The following TBX20 variants were observed in gnomAD, a reference collection of about 807,000 sequenced individuals.
TBX20 encodes T-box transcription factor 20.
TBX20 carries 8 observed loss-of-function variants against 42.9 expected under a neutral mutation model. That is an observed-to-expected ratio of 0.19 (90% confidence interval 0.11 to 0.34). The LOEUF is 0.34. Among genes scored for constraint, TBX20 ranks in the 10% least tolerant of loss-of-function variants. The pLI, the probability that TBX20 is intolerant of heterozygous loss-of-function variation, is 1.00. For missense variants in TBX20, 411 were observed against 566.0 expected (o/e 0.73, Z 2.78); for synonymous variants, 198 against 222.8 (o/e 0.89, Z 0.99).
chr7:35,209,945 A>G (rs1789464590), intron 6 of TBX20, among the ~76,000 whole-genome samples: 1 of 152,024 alleles, frequency 6.6e-6, no homozygotes, highest in Non-Finnish European at 1.5e-5. Context: ...TGACTTTCAA[A>G]TATTTGGGGA....
chr7:35,211,513 T>C (rs1230422436), intron 6 of TBX20, among the ~76,000 whole-genome samples: 1 of 152,180 alleles, frequency 6.6e-6, no homozygotes, highest in Non-Finnish European at 1.5e-5. Context: ...TAATTCTAGT[T>C]AACAGACTTG....
At chr7:35,204,438 C>T in intron 7 of TBX20, 32 bp downstream of exon 7, 1 of 1,492,056 alleles carries the variant, frequency 6.7e-7, no homozygotes, top group East Asian at 2.3e-5. Context: ...CTCTGCCTCC[C>T]AGCAATTCCA....
intron 3 of TBX20, among the ~76,000 whole-genome samples, chr7:35,245,455 C>T (rs889360699): frequency 1.3e-5 from 2 of 151,726 alleles, no homozygotes; most frequent in Non-Finnish European, 2.9e-5. Context: ...GCATGAGTTC[C>T]TATTATAAAC....
chr7:35,248,888 T>C, intron 2 of TBX20, 47 bp from the exon 3 acceptor site: 1 of 1,611,474 alleles, frequency 6.2e-7, no homozygotes. Context: ...TGCTGCCTAA[T>C]AAACTGACCT....
intron 3 of TBX20, among the ~76,000 whole-genome samples, chr7:35,246,305 C>T (rs1285016015): frequency 6.6e-6 from 1 of 152,176 alleles, no homozygotes; most frequent in Admixed American, 6.5e-5. Context: ...AGGAGGATTG[C>T]TCACAGTTGC....
intron 4 of TBX20, among the ~76,000 whole-genome samples, chr7:35,243,736 A>T (rs1790126280): frequency 6.6e-6 from 1 of 152,224 alleles, no homozygotes; most frequent in Non-Finnish European, 1.5e-5. Context: ...AACCTTAAAG[A>T]TAAAGATCAA....
At chr7:35,248,862 G>GAA (rs1562567776) in intron 2 of TBX20, 21 bp from the exon 3 acceptor site, 2 of 1,611,438 alleles carry the variant, frequency 1.2e-6, no homozygotes, top group East Asian at 2.2e-5. Context: ...GAGAGAGAGA[G>GAA]AATGGGCCCT....
intron 6 of TBX20, among the ~76,000 whole-genome samples, chr7:35,215,462 T>C (rs1292327380): frequency 6.6e-6 from 1 of 152,190 alleles, no homozygotes; most frequent in African/African-American, 2.4e-5. Context: ...TCTAAAATAC[T>C]GTACCCTGAA....
At chr7:35,253,377 CGATGTATG>C in intron 1 of TBX20, 109 bp downstream of exon 1, 2 of 1,225,036 alleles carry the variant, frequency 1.6e-6, no homozygotes, top group Non-Finnish European at 2.3e-6. Context: ...CTCCCACCCG[CGATGTATG>C]GCTCATGGCT....
intron 5 of TBX20, among the ~76,000 whole-genome samples, chr7:35,237,823 C>T (rs1415610139): frequency 6.6e-6 from 1 of 151,744 alleles, no homozygotes; most frequent in East Asian, 1.9e-4. Context: ...TGATCATCAT[C>T]GTGTTACACT....
chr7:35,249,986 C>T lies in TBX20; in HGVS notation c.345G>A (p.Glu115=), dbSNP rs1790272622. Residue 115 remains glutamate, a synonymous_variant, in exon 2 of 8, where the codon GAG becomes GAA. Coordinates refer to ENST00000408931, the MANE Select transcript of TBX20 (RefSeq NM_001077653.2). This position sits in a 1 kb window ranked among gnomAD's most constrained non-coding sequence, Gnocchi z 4.3. The stretch of plus-strand genomic sequence containing the variant: ...TGGTGATGATCATCTCGGTGCCCAG[C>T]TCATGGAATTTGTCCCAAAGCTCCT... ...ETKELWDKFH[E]LGTEMIITKS... The T allele has an allele frequency of 6.2e-7, 1 of 1,611,532 alleles. No homozygotes were observed. Among genetic ancestry groups the T allele is most frequent in the South Asian group, 1.1e-5 (1 of 90,740 alleles).
intron 6 of TBX20, among the ~76,000 whole-genome samples, chr7:35,230,869 T>G (rs2053845102): frequency 6.6e-6 from 1 of 152,212 alleles, no homozygotes; most frequent in Non-Finnish European, 1.5e-5. Flanking sequence ...ACATTCATAC[T>G]GGGCAAAATA....
intron 6 of TBX20, among the ~76,000 whole-genome samples, chr7:35,227,920 TC>T (rs1789803241): frequency 6.6e-6 from 1 of 152,174 alleles, no homozygotes; most frequent in East Asian, 1.9e-4. Flanking sequence ...GTACTTAATG[TC>T]ACTGAATTGT....
intron 5 of TBX20, among the ~76,000 whole-genome samples, chr7:35,237,070 T>A (rs1789980661): frequency 6.6e-6 from 1 of 152,068 alleles, no homozygotes; most frequent in Admixed American, 6.6e-5. Context: ...TCTATCATGA[T>A]GCCACCAAAA....
intron 3 of TBX20, among the ~76,000 whole-genome samples, chr7:35,246,815 T>C (rs928189943): frequency 6.6e-6 from 1 of 152,052 alleles, no homozygotes; most frequent in Non-Finnish European, 1.5e-5. Flanking sequence ...TTAATAATAA[T>C]AAAGAATAGT....
intron 5 of TBX20, among the ~76,000 whole-genome samples, chr7:35,237,992 G>T (rs921951814): frequency 6.6e-6 from 1 of 152,192 alleles, no homozygotes; most frequent in Non-Finnish European, 1.5e-5. Context: ...ACAGCTTAGG[G>T]GTTAAGGGCA....
rs1214886460 is a variant in TBX20 at position 35,229,947 on chromosome 7, C to T, written c.890+1557G>A. 8.5e-5 allele frequency among the ~76,000 whole-genome samples: 13 copies of T among 152,256 alleles called. No individual in the cohort carries two copies. The East Asian group carries it at 2.5e-3, about 29-fold the overall frequency. On this transcript the variant is annotated intron_variant, in intron 6 of 7. Coordinates refer to ENST00000408931, the MANE Select transcript of TBX20 (RefSeq NM_001077653.2). ...AAGTCTGGTGACTTCTCCAGGATCA[C>T]TCACCCAGGAAAAGGCAGAGGTGAG...
Position 35,250,221 on chromosome 7 carries a change from T to C in TBX20, c.128-18A>G, listed in dbSNP as rs1334590325. ...AAATTGCTCTGGAGGTAAAGAGAATTGTGAATGACAGCTGACACTGTTCAA... is the reference window on the plus strand; with the variant it reads ...AAATTGCTCTGGAGGTAAAGAGAATCGTGAATGACAGCTGACACTGTTCAA... On this transcript the variant is annotated intron_variant, in intron 1 of 7. Transcript: ENST00000408931. 1 of 1,613,836 alleles carries C rather than the reference T, an allele frequency of 6.2e-7. No individual in the cohort carries two copies. The highest frequency in any genetic ancestry group is 8.5e-7 in the Non-Finnish European group (1 of 1,179,970).
At chr7:35,209,246 T>G (rs1789453735) in intron 6 of TBX20, among the ~76,000 whole-genome samples, 2 of 152,312 alleles carry the variant, frequency 1.3e-5, no homozygotes, top group Middle Eastern at 3.4e-3. Flanking sequence ...CTAGAAGATT[T>G]CAGGTAGAAT....
Sources: allele counts gnomAD v4.1 joint callset (sites outside exome capture counted in the v4.1 genomes callset), GRCh38; gene constraint gnomAD v4.1.1; non-coding constraint Gnocchi (gnomAD v3.1); transcripts MANE v1.5; gene names NCBI Gene and HGNC (gene_info 2026-07-23, HGNC 2026-07-21).